PDE4D: variants seen among roughly 807,000 people sequenced by gnomAD.
The protein encoded by PDE4D is 3',5'-cyclic-AMP phosphodiesterase 4D.
In PDE4D, 24 loss-of-function variants were observed where a neutral mutation model predicts 87.4. The observed-to-expected ratio is 0.27, with a 90% CI of 0.20 to 0.39. PDE4D has a LOEUF of 0.39. PDE4D is among the 10% of genes least tolerant of loss of function. The pLI is 1.00. For missense variants in PDE4D, 714 were observed against 1,041.0 expected (o/e 0.69, Z 4.32); for synonymous variants, 384 against 383.2 (o/e 1.00, Z -0.02).
At chr5:59,304,535 T>C (rs1032880345) in intron 1 of PDE4D, among the ~76,000 whole-genome samples, 3 of 152,152 alleles carry the variant, frequency 2.0e-5, no homozygotes, top group Admixed American at 6.6e-5. Flanking sequence ...TGTGGGTTTG[T>C]CATAGATAGT....
intron 2 of PDE4D, among the ~76,000 whole-genome samples, chr5:60,060,752 C>G (rs1771304684): frequency 6.6e-6 from 1 of 152,030 alleles, no homozygotes. Context: ...GCCTCTTCAG[C>G]CTCTCAGCTT....
chr5:59,607,564 G>T (rs73758822), intron 1 of PDE4D, among the ~76,000 whole-genome samples: 18 of 152,004 alleles, frequency 1.2e-4, no homozygotes, highest in Admixed American at 1.2e-3. Flanking sequence ...GGAGGAGAGC[G>T]GAAAAGAGCA....
In PDE4D at chr5:59,000,877, C is replaced by T. The variant is rs533146850; in HGVS notation, c.922-7412G>A. Among the ~76,000 whole-genome samples the T allele has an allele frequency of 3.9e-5, 6 of 151,962 alleles. No homozygotes were observed. In the South Asian group the frequency reaches 6.3e-4, roughly 16 times the overall value. ...CTAATTTTTGTATTTTTAGCAGAGACGGGATTTCACCATGTTGGCCAGGCT... is the reference window on the plus strand; with the variant it reads ...CTAATTTTTGTATTTTTAGCAGAGATGGGATTTCACCATGTTGGCCAGGCT... On this transcript the variant is annotated intron_variant, in intron 6 of 14. Transcript: ENST00000340635.
chr5:59,103,909 C>T (rs1771153845), intron 5 of PDE4D, among the ~76,000 whole-genome samples: 1 of 152,218 alleles, frequency 6.6e-6, no homozygotes. Flanking sequence ...GCTGTCTAGA[C>T]TTGGATCTGC....
intron 1 of PDE4D, among the ~76,000 whole-genome samples, chr5:59,664,066 T>C (rs1349758303): frequency 6.6e-6 from 1 of 152,178 alleles, no homozygotes; most frequent in Non-Finnish European, 1.5e-5. Flanking sequence ...AGGCCTAATA[T>C]TGACAAGAAA....
At chr5:58,989,026 C>T (rs1250458679) in intron 10 of PDE4D, among the ~76,000 whole-genome samples, 4 of 152,104 alleles carry the variant, frequency 2.6e-5, no homozygotes, top group South Asian at 2.1e-4. Flanking sequence ...TAACTCTTTG[C>T]GTGGGAGGCT....
At chr5:60,496,078 T>A (rs1477672064) in intron 1 of PDE4D, among the ~76,000 whole-genome samples, 1 of 152,180 alleles carries the variant, frequency 6.6e-6, no homozygotes, top group East Asian at 1.9e-4. Flanking sequence ...GTCTTGGCTA[T>A]TTCCTTTTGC....
intron 1 of PDE4D, among the ~76,000 whole-genome samples, chr5:59,263,164 T>A (rs1762305446): frequency 6.6e-6 from 1 of 151,964 alleles, no homozygotes; most frequent in South Asian, 2.1e-4. Flanking sequence ...ACTGTAATAT[T>A]CTTTGTAATA....
At chr5:59,955,378 G>T (rs943572971) in intron 3 of PDE4D, among the ~76,000 whole-genome samples, 5 of 152,130 alleles carry the variant, frequency 3.3e-5, no homozygotes, top group Non-Finnish European at 7.3e-5. Flanking sequence ...GCTGGTATCT[G>T]CAGTCTGGGT....
At position 59,477,042 on chromosome 5, in the gene PDE4D, AAAAATG is replaced by A. The variant is rs1373497428; in HGVS notation, c.456-261080_456-261075del. Among the ~76,000 whole-genome samples, 41 of 152,110 alleles carry A rather than the reference AAAAATG, an allele frequency of 2.7e-4. No homozygotes were observed. In the East Asian group the frequency reaches 3.3e-3, roughly 12 times the overall value. On this transcript the variant is annotated intron_variant, in intron 1 of 14. Transcript: ENST00000340635. ...TCTACAAATAAAAGCTAGGGAACAC[AAAAATG>A]ACACAATTATCAAATTCAAGAATTT...
At chr5:60,091,390 C>T (rs796317072) in intron 2 of PDE4D, among the ~76,000 whole-genome samples, 12 of 152,244 alleles carry the variant, frequency 7.9e-5, no homozygotes, top group African/African-American at 2.9e-4. Context: ...AAAACCTCAA[C>T]ATCACTTAAT....
At chr5:59,217,963 T>C (rs1354727667) in intron 1 of PDE4D, 3 of 473,016 alleles carry the variant, frequency 6.3e-6, no homozygotes, top group Non-Finnish European at 1.3e-5. Context: ...TGCATTAAGA[T>C]ACAAAAATAA....
At chr5:60,225,680 G>A (rs1271825046) in intron 1 of PDE4D, among the ~76,000 whole-genome samples, 1 of 151,928 alleles carries the variant, frequency 6.6e-6, no homozygotes, top group African/African-American at 2.4e-5. Context: ...AACTCTCTGG[G>A]GTTCCACTTT....
At chr5:59,773,960 G>C (rs536488557) in intron 1 of PDE4D, among the ~76,000 whole-genome samples, 1 of 152,052 alleles carries the variant, frequency 6.6e-6, no homozygotes, top group African/African-American at 2.4e-5. Context: ...GGTGCCTTCT[G>C]GGTTAAAAGG....
intron 1 of PDE4D, among the ~76,000 whole-genome samples, chr5:59,751,783 C>T (rs538744298): frequency 6.6e-6 from 1 of 152,192 alleles, no homozygotes; most frequent in South Asian, 2.1e-4. Flanking sequence ...CCTCCTGTCA[C>T]TTCCCCTCCT....
At chr5:60,518,999 G>A (rs1382980527) in intron 1 of PDE4D, among the ~76,000 whole-genome samples, 2 of 152,118 alleles carry the variant, frequency 1.3e-5, no homozygotes, top group Non-Finnish European at 2.9e-5. Flanking sequence ...TTCCAGAAAC[G>A]GGGCTAACGT....
At chr5:59,769,065 T>G (rs1008918188) in intron 1 of PDE4D, among the ~76,000 whole-genome samples, 2 of 145,954 alleles carry the variant, frequency 1.4e-5, no homozygotes, top group African/African-American at 2.5e-5. Context: ...CAATCCTTTG[T>G]TTTTTTCTCT....
At chr5:59,711,207 G>A (rs1194807877) in intron 1 of PDE4D, among the ~76,000 whole-genome samples, 1 of 151,882 alleles carries the variant, frequency 6.6e-6, no homozygotes, top group African/African-American at 2.4e-5. Flanking sequence ...TCACTACATT[G>A]GGAAAATTTT....
chr5:59,035,792 C>T (rs1032348186), intron 6 of PDE4D, among the ~76,000 whole-genome samples: 2 of 152,192 alleles, frequency 1.3e-5, no homozygotes, highest in African/African-American at 4.8e-5. Context: ...ACTAAAATTA[C>T]CCTCAATTGT....
Sources: gnomAD v4.1 joint callset for allele counts (sites outside exome capture counted in the v4.1 genomes callset) on GRCh38, gnomAD v4.1.1 for gene constraint, MANE v1.5 for transcripts, NCBI Gene and HGNC (gene_info 2026-07-23, HGNC 2026-07-21) for gene names.